Variants in PCM1 observed in about 807,000 individuals in gnomAD.
The protein encoded by PCM1 is pericentriolar material 1.
PCM1 carries 157 observed loss-of-function variants against 241.9 expected under a neutral mutation model. The ratio of observed to expected loss-of-function variants is 0.65; its 90% CI spans 0.57 to 0.74. The LOEUF is 0.74. PCM1 is among the 30% of genes least tolerant of loss of function. The probability of loss-of-function intolerance (pLI) is 0.00; values close to 1 mark genes in which losing one functional copy is unlikely to be tolerated. For synonymous variants in PCM1, 1,085 were observed against 784.9 expected, an observed-to-expected ratio of 1.38 and a Z score of -6.39; for missense variants, 3,478 against 2,360.1, an observed-to-expected ratio of 1.47 and a Z score of -9.81.
chr8:17,923,416 G>A (rs2055355582), intron 1 of PCM1, among the ~76,000 whole-genome samples: 1 of 152,200 alleles, frequency 6.6e-6, no homozygotes, highest in Admixed American at 6.5e-5. Context: ...CTCGCGACGC[G>A]TTGGTGATTG....
chr8:17,955,292 T>C (rs2067760789), intron 9 of PCM1, among the ~76,000 whole-genome samples, 178 bp from the exon 10 acceptor site: 1 of 152,236 alleles, frequency 6.6e-6, no homozygotes, highest in Admixed American at 6.5e-5. Context: ...CAAGTCTTTG[T>C]ACATTTTGAT....
chr8:17,967,036 C>G lies in PCM1; in HGVS notation c.3278C>G (p.Pro1093Arg), dbSNP rs542389600. The change falls in exon 21 of 39, where the codon CCT (proline) becomes CGT (arginine). Residue 1093 changes from proline (P) to arginine (R), a missense_variant. By Grantham distance (103) the Pro-to-Arg change is moderately radical. Transcript: ENST00000325083. ...CAGCAAAATCAGCATCCAGAAAAAC[C>G]TGGAGGCAAGGAAAGAGGCAGTAGT... is the stretch of plus-strand genomic sequence containing the variant. ...MRQQNQHPEK[P>R]GGKERGSSAS... is the part of the protein sequence containing the mutation. The G allele has an allele frequency of 1.2e-6, 2 of 1,609,412 alleles. No homozygotes were observed. Among genetic ancestry groups the G allele is most frequent in the South Asian group, 2.2e-5 (2 of 89,916 alleles).
Position 18,011,237 on chromosome 8 carries a change from G to C in PCM1, c.5221G>C (p.Asp1741His). Residue 1741 changes from aspartate (D) to histidine (H), a missense_variant and splice_region_variant, in exon 33 of 39, where the codon GAC becomes CAC. Coordinates refer to ENST00000325083, the MANE Select transcript of PCM1 (RefSeq NM_006197.4). ...PAGEIDDEDK[D>H]KDETETVKQT... Reference sequence around the variant, plus strand: ...ATTACTCAAATATTTTTGTGTCTAGGACAAGGATGAAACTGAAACAGTTAA... The same window carrying C: ...ATTACTCAAATATTTTTGTGTCTAGCACAAGGATGAAACTGAAACAGTTAA... 1.3e-6 allele frequency: 2 copies of C among 1,598,498 alleles called. No homozygotes were observed. Among genetic ancestry groups the C allele is most frequent in the Non-Finnish European group, 1.7e-6 (2 of 1,172,354 alleles).
chr8:18,003,176 T>C (rs907629990), intron 29 of PCM1, among the ~76,000 whole-genome samples: 12 of 152,222 alleles, frequency 7.9e-5, no homozygotes, highest in Non-Finnish European at 1.3e-4. Context: ...ATCTGAGATG[T>C]TAATCTCTTT....
rs571096749 is a variant in PCM1, at chr8:17,990,549, C to G, written c.4531+570C>G. Among the ~76,000 whole-genome samples, 6 of 150,032 alleles carry G rather than the reference C, an allele frequency of 4.0e-5. No homozygotes were observed. In the East Asian group the frequency reaches 1.2e-3, roughly 29 times the overall value. ...AAAAGAGGTTTAGAGGGTTGCCTGG[C>G]TGCAGTGGAGAAAAAATTCGAGTCC... On this transcript the variant is annotated intron_variant, in intron 27 of 38. Transcript: ENST00000325083.
At chr8:17,945,857 A>C (rs2063604079) in intron 6 of PCM1, among the ~76,000 whole-genome samples, 1 of 152,152 alleles carries the variant, frequency 6.6e-6, no homozygotes, top group Non-Finnish European at 1.5e-5. Flanking sequence ...AATTTACATA[A>C]CCCGACAAAA....
At chr8:18,010,952 A>G (rs1448349805) in intron 32 of PCM1, among the ~76,000 whole-genome samples, 1 of 152,214 alleles carries the variant, frequency 6.6e-6, no homozygotes, top group Non-Finnish European at 1.5e-5. Flanking sequence ...CAGCCTGGGC[A>G]ACAGAGCTAG....
chr8:17,977,529 G>C (rs2079183964), intron 23 of PCM1, among the ~76,000 whole-genome samples: 1 of 152,206 alleles, frequency 6.6e-6, no homozygotes, highest in Non-Finnish European at 1.5e-5. Context: ...TTTTCCTAGA[G>C]TGTCAGGAGC....
At position 17,956,791 on chromosome 8, in the gene PCM1, T is replaced by C. The variant is rs2068700613; in HGVS notation, c.1646+14T>C. ...TACTAACATTCGGTAAGAACTTTTC[T>C]GGGGATGTTTTTCCAGCATATTCAT... On this transcript the variant is annotated intron_variant, in intron 11 of 38. Transcript: ENST00000325083. 1 of 1,593,242 alleles carries C rather than the reference T, an allele frequency of 6.3e-7. No homozygotes were observed.
intron 6 of PCM1, among the ~76,000 whole-genome samples, chr8:17,940,334 T>C (rs1218385678): frequency 6.6e-6 from 1 of 151,904 alleles, no homozygotes. Flanking sequence ...AGTTAAGTTT[T>C]ATTTATTAAC....
chr8:17,948,239 A>G (rs190361215), intron 7 of PCM1, among the ~76,000 whole-genome samples: 242 of 145,884 alleles, frequency 1.7e-3, no homozygotes, highest in Middle Eastern at 3.6e-3. Context: ...AATCCCTGTT[A>G]TACCTAATTT....
intron 6 of PCM1, among the ~76,000 whole-genome samples, chr8:17,944,923 C>G (rs543801821): frequency 3.3e-5 from 5 of 152,096 alleles, no homozygotes; most frequent in Non-Finnish European, 7.4e-5. Context: ...TAGGTTATCA[C>G]AGTTTTGTGA....
At chr8:17,949,376 A>G (rs550869533) in intron 7 of PCM1, among the ~76,000 whole-genome samples, 2 of 152,182 alleles carry the variant, frequency 1.3e-5, no homozygotes, top group African/African-American at 2.4e-5. Flanking sequence ...TCTTCTCAGC[A>G]TAGAGTTTTG....
chr8:17,954,521 C>G (rs2067312348), intron 9 of PCM1, among the ~76,000 whole-genome samples: 1 of 152,076 alleles, frequency 6.6e-6, no homozygotes, highest in African/African-American at 2.4e-5. Context: ...AAGTAGCACT[C>G]CGTATACTGA....
chr8:17,951,307 C>G (rs576834520), intron 8 of PCM1, among the ~76,000 whole-genome samples: 1 of 152,158 alleles, frequency 6.6e-6, no homozygotes. Flanking sequence ...ATTGAAGATG[C>G]AGTGTCTCTT....
intron 3 of PCM1, among the ~76,000 whole-genome samples, chr8:17,936,379 T>C (rs576679258): frequency 1.1e-4 from 17 of 152,314 alleles, no homozygotes; most frequent in African/African-American, 4.1e-4. Context: ...TGGTTTACTA[T>C]ACTAGTACTA....
At chr8:17,953,745 C>G (rs557007408) in intron 9 of PCM1, among the ~76,000 whole-genome samples, 2 of 152,124 alleles carry the variant, frequency 1.3e-5, no homozygotes, top group African/African-American at 4.8e-5. Flanking sequence ...TTGCTCCACA[C>G]GTGTTTAACC....
intron 27 of PCM1, among the ~76,000 whole-genome samples, chr8:17,990,608 A>G (rs920949624): frequency 2.6e-5 from 4 of 151,998 alleles, no homozygotes; most frequent in African/African-American, 4.8e-5. Context: ...GAAAAGAAAA[A>G]TATGTAGATA....
At chr8:17,925,511 C>T (rs1467589819) in intron 2 of PCM1, 1 of 152,186 alleles carries the variant, frequency 6.6e-6, no homozygotes, top group Admixed American at 6.5e-5. Context: ...TAATTCTACT[C>T]TTAAAATTTT....
Sources: allele counts gnomAD v4.1 joint callset (sites outside exome capture counted in the v4.1 genomes callset), GRCh38; gene constraint gnomAD v4.1.1; transcripts MANE v1.5; gene names NCBI Gene and HGNC (gene_info 2026-07-23, HGNC 2026-07-21).